COMMD5: variants seen among roughly 807,000 people sequenced by gnomAD.
COMMD5 encodes the protein COMM domain containing 5.
In COMMD5, 10 loss-of-function variants were observed where a neutral mutation model predicts 6.9. The observed-to-expected ratio is 1.44, with a 90% CI of 0.89 to 2.45. COMMD5 has a LOEUF of 2.45. Among genes scored for constraint, COMMD5 ranks in the 30% most tolerant of loss-of-function variants. The probability of loss-of-function intolerance (pLI) is 0.00; values close to 1 mark genes in which losing one functional copy is unlikely to be tolerated. For synonymous variants in COMMD5, 127 were observed against 125.3 expected (o/e 1.01, Z -0.09); for missense variants, 234 against 287.8 (o/e 0.81, Z 1.35).
chr8:144,843,306 C>T lies in COMMD5; in HGVS notation c.*117-1563G>A, dbSNP rs80296345. 6,070 of 1,135,604 alleles carry T rather than the reference C, an allele frequency of 5.3e-3. 256 individuals carry two copies. In the East Asian group the frequency reaches 0.11, roughly 21 times the overall value. 70.3% of individuals were successfully genotyped at this position (1,135,604 alleles called of 1,614,324 possible). On this transcript the variant is annotated intron_variant and NMD_transcript_variant, in intron 1 of 1. Transcript: ENST00000530332. ...AATTGCTCTCAAGAATATCCAACTT[C>T]AGGCCGAGTGTGGTGGCTTATGCCT...
At chr8:144,839,261 C>T (rs190627835), downstream of COMMD5, among the ~76,000 whole-genome samples, 1 of 152,240 alleles carries the variant, frequency 6.6e-6, no homozygotes, top group African/African-American at 2.4e-5. Context: ...CTTCAAAGGA[C>T]AAGGAGGGTT....
intron 1 of COMMD5, chr8:144,842,622 C>G: frequency 6.2e-7 from 1 of 1,614,190 alleles, no homozygotes. Flanking sequence ...GTGGAAAAGC[C>G]TTCAGTCAGA....
intron 1 of COMMD5, chr8:144,842,247 T>C: frequency 6.2e-7 from 1 of 1,614,030 alleles, no homozygotes; most frequent in Non-Finnish European, 8.5e-7. Context: ...TAGCCCAGCA[T>C]CAAAGGATGC....
Position 144,850,720 on chromosome 8 carries a change from C to T in COMMD5, c.619G>A (p.Val207Ile), listed in dbSNP as rs766041800. The T allele has an allele frequency of 6.2e-7, 1 of 1,613,996 alleles. No homozygotes were observed. Among genetic ancestry groups the T allele is most frequent in the Non-Finnish European group, 8.5e-7 (1 of 1,180,044 alleles). Reference protein sequence around the residue: ...FQELRYSVALVLKEMADLEKR... With the variant: ...FQELRYSVALILKEMADLEKR... ...TCCAGATCTGCCATCTCCTTTAGGA[C>T]CAGGGCCACGCTGTACCGCAGCTCC... Residue 207 changes from valine (V) to isoleucine (I), a missense_variant, in exon 2 of 2, where the codon GTC (valine) becomes ATC (isoleucine). Val to Ile is a conservative substitution (Grantham distance 29). Transcript: ENST00000305103. This position sits in a 1 kb window ranked among gnomAD's most constrained non-coding sequence, Gnocchi z 4.0.
chr8:144,842,820 C>T (rs1375311134), intron 1 of COMMD5: 3 of 1,614,076 alleles, frequency 1.9e-6, no homozygotes, highest in African/African-American at 2.7e-5. Flanking sequence ...TTTTCCAACA[C>T]CAGATAATTC....
chr8:144,851,146 G>A lies in COMMD5; in HGVS notation c.193C>T (p.Arg65Ter), dbSNP rs748726959. 15 of 1,613,180 alleles carry A rather than the reference G, an allele frequency of 9.3e-6. No homozygotes were observed. Among genetic ancestry groups the A allele is most frequent in the Non-Finnish European group, 1.2e-5 (14 of 1,180,008 alleles). ...ACCCCAAGACGCTGCACAGCCTCTC[G>A]GCAGTCCTCCCCCTGCAGGCTGCTG... ...VVSSLQGEDC[R>*]EAVQRLGVSA... The change falls in exon 2 of 2, where the codon CGA becomes TGA. Residue 65 changes from arginine to a stop codon, truncating the protein, a stop_gained. Coordinates refer to ENST00000305103, the MANE Select transcript of COMMD5 (RefSeq NM_014066.4). LOFTEE classifies it high-confidence loss of function.
rs1408811264 is a variant in COMMD5 at position 144,851,207 on chromosome 8, G to A, written c.132C>T (p.Asp44=). Residue 44 remains aspartate, a synonymous_variant, in exon 2 of 2, where the codon GAC becomes GAT. Coordinates refer to ENST00000305103, the MANE Select transcript of COMMD5 (RefSeq NM_014066.4). ...TCAGCAACTTTCTGAACGTGCTCCT[G>A]TCTAGGTCCCCTAGTAGCCGGGCCA... ...AAMARLLGDL[D]RSTFRKLLKF... is the part of the protein sequence containing the mutation. 6.2e-7 allele frequency: 1 copy of A among 1,613,834 alleles called. No individual in the cohort carries two copies. The highest frequency in any genetic ancestry group is 8.5e-7 in the Non-Finnish European group (1 of 1,180,044).
intron 1 of COMMD5, chr8:144,842,545 C>A: frequency 6.2e-7 from 1 of 1,614,162 alleles, no homozygotes; most frequent in South Asian, 1.1e-5. Context: ...AGGCTTTGTT[C>A]AGGGCTCACA....
chr8:144,842,299 C>T (rs1563843629), intron 1 of COMMD5: 1 of 1,613,872 alleles, frequency 6.2e-7, no homozygotes, highest in Non-Finnish European at 8.5e-7. Context: ...CTCAGACAGT[C>T]CAAGCCTTGT....
rs943115773 is a variant in COMMD5, at chr8:144,850,611, C to T, written c.*53G>A. 3 of 1,565,104 alleles carry T rather than the reference C, an allele frequency of 1.9e-6. No individual in the cohort carries two copies. Among genetic ancestry groups the T allele is most frequent in the Non-Finnish European group, 2.6e-6 (3 of 1,150,994 alleles). On this transcript the variant is annotated 3_prime_UTR_variant, in exon 2 of 2. Coordinates refer to ENST00000305103, the MANE Select transcript of COMMD5 (RefSeq NM_014066.4). The surrounding 1 kb of genome is among the most constrained non-coding windows in gnomAD (Gnocchi z 4.0). ...GGAAGAGTCAGCTGCACTTTGGCACCATCTCAGGTGCCTGTCCAAGCCGGA... is the reference window on the plus strand; with the variant it reads ...GGAAGAGTCAGCTGCACTTTGGCACTATCTCAGGTGCCTGTCCAAGCCGGA...
rs572222452 is a variant in COMMD5 at position 144,843,977 on chromosome 8, G to C, written c.*117-2234C>G. 2.0e-5 allele frequency among the ~76,000 whole-genome samples: 3 copies of C among 152,294 alleles called. No individual in the cohort carries two copies. The East Asian group carries it at 5.8e-4, about 29-fold the overall frequency. On this transcript the variant is annotated intron_variant and NMD_transcript_variant, in intron 1 of 1. Transcript: ENST00000530332. Reference sequence around the variant, plus strand: ...GGGCCCAGCCCTATCCCCTTCCTCAGAGAGGCAGGCTGGGCTAGCAGGTAC... The same window carrying C: ...GGGCCCAGCCCTATCCCCTTCCTCACAGAGGCAGGCTGGGCTAGCAGGTAC...
At chr8:144,838,298 G>A (rs979455373), downstream of COMMD5, 13 of 585,278 alleles carry the variant, frequency 2.2e-5, 1 homozygote, top group Admixed American at 1.4e-4. Flanking sequence ...AATCTGCAAC[G>A]ACTGTGTTTC....
chr8:144,838,127 C>G (rs992816056), downstream of COMMD5: 1 of 702,854 alleles, frequency 1.4e-6, no homozygotes, highest in Non-Finnish European at 2.6e-6. Context: ...TCTGGCAGTC[C>G]TTGGGTTCCT....
intron 1 of COMMD5, chr8:144,842,549 G>T: frequency 6.2e-7 from 1 of 1,614,104 alleles, no homozygotes; most frequent in Non-Finnish European, 8.5e-7. Flanking sequence ...TTTGTTCAGG[G>T]CTCACACCTT....
At chr8:144,844,795 A>G (rs1830418478) in intron 1 of COMMD5, among the ~76,000 whole-genome samples, 1 of 150,934 alleles carries the variant, frequency 6.6e-6, no homozygotes, top group Non-Finnish European at 1.5e-5. Context: ...GAACCTGAGA[A>G]GGGGTGATGA....
chr8:144,845,362 T>TG (rs1830454272), downstream of COMMD5, among the ~76,000 whole-genome samples: 1 of 150,772 alleles, frequency 6.6e-6, no homozygotes, highest in Non-Finnish European at 1.5e-5. Flanking sequence ...TGTTGGGAGC[T>TG]GGGGGGCCAT....
downstream of COMMD5, among the ~76,000 whole-genome samples, chr8:144,839,890 C>T (rs1053466574): frequency 2.0e-5 from 3 of 152,318 alleles, no homozygotes; most frequent in Non-Finnish European, 2.9e-5. Context: ...CTGGCATCCC[C>T]CAACAAAGCC....
chr8:144,843,302 A>ACTT (rs1265597401), intron 1 of COMMD5: 1 of 1,160,918 alleles, frequency 8.6e-7, no homozygotes, highest in African/African-American at 1.6e-5. Context: ...AGAATATCCA[A>ACTT]CTTCAGGCCG....
At chr8:144,841,129 A>G in exon 2 of COMMD5, 1 of 536,232 alleles carries the variant, frequency 1.9e-6, no homozygotes, top group East Asian at 3.1e-5. Flanking sequence ...GCCCTGCCCC[A>G]GCAATGAACA....
Sources: allele counts gnomAD v4.1 joint callset (sites outside exome capture counted in the v4.1 genomes callset), GRCh38; gene constraint gnomAD v4.1.1; non-coding constraint Gnocchi (gnomAD v3.1); transcripts MANE v1.5; gene names NCBI Gene and HGNC (gene_info 2026-07-23, HGNC 2026-07-21).